The following ATP7B variants were observed in gnomAD, a reference collection of about 807,000 sequenced individuals.
ATP7B encodes the protein copper-transporting ATPase 2.
Under a neutral mutation model 118.9 loss-of-function variants are expected in ATP7B, and 113 were observed. The ratio of observed to expected loss-of-function variants is 0.95; its 90% CI spans 0.82 to 1.11. The LOEUF is 1.11. Among genes scored for constraint, ATP7B ranks in the 50% most tolerant of loss-of-function variants. ATP7B has a pLI of 0.00. For missense variants in ATP7B, 1,867 were observed against 1,871.4 expected, an observed-to-expected ratio of 1.00 and a Z score of 0.04; for synonymous variants, 777 against 727.4, an observed-to-expected ratio of 1.07 and a Z score of -1.10.
chr13:51,958,404 C>T lies in ATP7B; in HGVS notation c.2262G>A (p.Glu754=). ...SLVILVVAVA[E]KAERSPVTFF... ...ATGTCACAGGGCTCCTCTCCGCCTT[C>T]TCAGCCACAGCAACCACCAGGATGA... Residue 754 remains glutamate, a synonymous_variant, in exon 8 of 21, where the codon GAG becomes GAA. Coordinates refer to ENST00000242839, the MANE Select transcript of ATP7B (RefSeq NM_000053.4). 1 of 1,614,226 alleles carries T rather than the reference C, an allele frequency of 6.2e-7. No homozygotes were observed. Among genetic ancestry groups the T allele is most frequent in the South Asian group, 1.1e-5 (1 of 91,086 alleles).
intron 1 of ATP7B, among the ~76,000 whole-genome samples, chr13:51,983,324 C>A (rs1428360169): frequency 6.6e-6 from 1 of 152,148 alleles, no homozygotes; most frequent in Admixed American, 6.5e-5. Context: ...TGGAGCCCTC[C>A]GCAGCTCAGC....
At chr13:51,938,325 C>T (rs1957099997) in intron 17 of ATP7B, among the ~76,000 whole-genome samples, 1 of 152,240 alleles carries the variant, frequency 6.6e-6, no homozygotes, top group Non-Finnish European at 1.5e-5. Context: ...GGGCAGACCC[C>T]CCTTCACTCC....
Position 51,974,446 on chromosome 13 carries a change from G to C in ATP7B, c.774C>G (p.Thr258=), listed in dbSNP as rs1201589034. The C allele has an allele frequency of 6.8e-6, 11 of 1,613,836 alleles. No individual in the cohort carries two copies. The Admixed American group carries it at 1.8e-4, about 27-fold the overall frequency. The part of the protein sequence containing the change: ...TLGHQGSHVV[T]LQLRIDGMHC... ...GCATTCCATCTATTCTCAGTTGGAG[G>C]GTGACCACATGGCTTCCTTGGTGCC... The change falls in exon 2 of 21, where the codon ACC becomes ACG. Residue 258 remains threonine, a synonymous_variant. Transcript: ENST00000242839.
In ATP7B at chr13:51,974,185, G is replaced by C. The variant is rs749528474; in HGVS notation, c.1035C>G (p.Ser345=). The change falls in exon 2 of 21, where the codon TCC becomes TCG. Residue 345 remains serine (S), a synonymous_variant. Coordinates refer to ENST00000242839, the MANE Select transcript of ATP7B (RefSeq NM_000053.4). ...GTDHRSSSSH[S]PGSPPRNQVQ... ...CCTGGTTTCTCGGTGGGGAGCCAGGGGAATGAGAACTGGAAGACCTGTGAT... is the reference window on the plus strand; with the variant it reads ...CCTGGTTTCTCGGTGGGGAGCCAGGCGAATGAGAACTGGAAGACCTGTGAT... 6.7e-7 allele frequency: 1 copy of C among 1,492,868 alleles called. No homozygotes were observed. Among genetic ancestry groups the C allele is most frequent in the Non-Finnish European group, 9.0e-7 (1 of 1,113,686 alleles). 92.5% of individuals were successfully genotyped at this position (1,492,868 alleles called of 1,614,324 possible).
In ATP7B at chr13:51,960,945, C is replaced by T. The variant is rs529973673; in HGVS notation, c.1947-623G>A. Reference sequence around the variant, plus strand: ...ATGCACCTAAAACATGACATGAAAACCACTGGCCTTTGAGGCTGAAGTCTT... The same window carrying T: ...ATGCACCTAAAACATGACATGAAAATCACTGGCCTTTGAGGCTGAAGTCTT... On this transcript the variant is annotated intron_variant, in intron 6 of 20. Transcript: ENST00000242839. Among the ~76,000 whole-genome samples, 8 of 152,096 alleles carry T rather than the reference C, an allele frequency of 5.3e-5. No individual in the cohort carries two copies. In the South Asian group the frequency reaches 1.5e-3, roughly 28 times the overall value.
intron 1 of ATP7B, among the ~76,000 whole-genome samples, chr13:51,987,531 C>T (rs1952714342): frequency 6.6e-6 from 1 of 152,140 alleles, no homozygotes. Context: ...CAAACTACCA[C>T]TGACTTTCTT....
chr13:51,944,083 G>C (rs964349241), intron 14 of ATP7B, 26 bp downstream of exon 14: 4 of 1,613,654 alleles, frequency 2.5e-6, no homozygotes, highest in East Asian at 2.2e-5. Flanking sequence ...GGCGGGGAGG[G>C]CAGGGCCACG....
chr13:51,958,595 A>G, intron 7 of ATP7B, 51 bp from the exon 8 acceptor site: 2 of 1,538,594 alleles, frequency 1.3e-6, no homozygotes, highest in Non-Finnish European at 1.8e-6. Context: ...GGAGAGTTCA[A>G]TGAGCGACAC....
chr13:52,012,077 G>C (rs1385791923), upstream of ATP7B: 2 of 498,178 alleles, frequency 4.0e-6, no homozygotes, highest in East Asian at 7.5e-5. Context: ...CGGGCGGCGG[G>C]CTTTGGGCCG....
chr13:51,952,447 A>G (rs1321855044), intron 9 of ATP7B, among the ~76,000 whole-genome samples: 1 of 152,254 alleles, frequency 6.6e-6, no homozygotes, highest in African/African-American at 2.4e-5. Flanking sequence ...CACAAAAGCC[A>G]TCTTACTTAC....
chr13:51,940,796 G>C (rs576531396), intron 16 of ATP7B, among the ~76,000 whole-genome samples: 1 of 152,134 alleles, frequency 6.6e-6, no homozygotes, highest in Non-Finnish European at 1.5e-5. Flanking sequence ...GGATGACTCT[G>C]AACTGCCCAC....
chr13:51,935,531 G>T, intron 20 of ATP7B, 62 bp downstream of exon 20: 1 of 1,497,766 alleles, frequency 6.7e-7, no homozygotes, highest in Non-Finnish European at 9.2e-7. Flanking sequence ...ACTGTGCTAA[G>T]CATGCAGAAT....
At position 51,961,905 on chromosome 13, in the gene ATP7B, G is replaced by A. The variant is rs587783300; in HGVS notation, c.1878C>T (p.Gly626=). 6.2e-7 allele frequency: 1 copy of A among 1,613,744 alleles called. No individual in the cohort carries two copies. The highest frequency in any genetic ancestry group is 8.5e-7 in the Non-Finnish European group (1 of 1,179,688). ...RDIIKIIEEI[G]FHASLAQRNP... The stretch of plus-strand genomic sequence containing the variant: ...TTCTCTGGGCCAGGGAAGCATGAAA[G>A]CCAATTTCCTTGTCATTAAAAAGAG... Residue 626 remains glycine, a synonymous_variant, in exon 6 of 21, where the codon GGC becomes GGT. Coordinates refer to ENST00000242839, the MANE Select transcript of ATP7B (RefSeq NM_000053.4).
At chr13:52,006,452 G>A (rs1273884350) in intron 1 of ATP7B, among the ~76,000 whole-genome samples, 1 of 152,244 alleles carries the variant, frequency 6.6e-6, no homozygotes, top group Non-Finnish European at 1.5e-5. Context: ...GGATAGCCTA[G>A]TTTCTCTACT....
At chr13:51,990,368 CT>C (rs1377147198) in intron 1 of ATP7B, among the ~76,000 whole-genome samples, 1 of 152,116 alleles carries the variant, frequency 6.6e-6, no homozygotes, top group Non-Finnish European at 1.5e-5. Context: ...CAATATTCTT[CT>C]ATAGAGAACT....
intron 1 of ATP7B, among the ~76,000 whole-genome samples, chr13:52,001,796 AT>A (rs5803590): frequency 0.41 from 61,403 of 149,212 alleles, 14,102 homozygotes; most frequent in East Asian, 0.53. Flanking sequence ...AATCCTTCAC[AT>A]TTTTTTTTTT....
In ATP7B at chr13:51,958,453, CT is replaced by C. The variant is rs747455412; in HGVS notation, c.2212del (p.Ser738AlafsTer24). 1 of 1,614,218 alleles carries C rather than the reference CT, an allele frequency of 6.2e-7. No individual in the cohort carries two copies. ...GACCAGAGAATAAACATAAGCAATG[CT>C]TGTGGCCAGGACGATGAGCACGTCC... ...NMDVLIVLAT[S>X]IAYVYSLVIL... On this transcript the variant is annotated frameshift_variant, in exon 8 of 21. Transcript: ENST00000242839. LOFTEE classifies it high-confidence loss of function.
chr13:52,005,964 AC>A (rs1355847909), intron 1 of ATP7B, among the ~76,000 whole-genome samples: 4 of 152,244 alleles, frequency 2.6e-5, no homozygotes, highest in Non-Finnish European at 5.9e-5. Context: ...AAGGCAAGGA[AC>A]ACCTGGCCCG....
At chr13:51,965,752 A>T (rs1951517646) in intron 4 of ATP7B, among the ~76,000 whole-genome samples, 1 of 152,198 alleles carries the variant, frequency 6.6e-6, no homozygotes, top group African/African-American at 2.4e-5. Context: ...GCAGGGCTGG[A>T]TGGGTCCACA....
Sources: gnomAD v4.1 joint callset for allele counts (sites outside exome capture counted in the v4.1 genomes callset) on GRCh38, gnomAD v4.1.1 for gene constraint, MANE v1.5 for transcripts, NCBI Gene and HGNC (gene_info 2026-07-23, HGNC 2026-07-21) for gene names.